The following ADAM19 variants were observed in gnomAD, a reference collection of about 807,000 sequenced individuals.
ADAM19 encodes ADAM metallopeptidase domain 19, also known as disintegrin and metalloproteinase domain-containing protein 19.
ADAM19 carries 65 observed loss-of-function variants against 114.7 expected under a neutral mutation model. The ratio of observed to expected loss-of-function variants is 0.57; its 90% CI spans 0.46 to 0.70. The LOEUF (loss-of-function observed/expected upper bound fraction) is 0.70, where lower values mean the gene tolerates loss of function less well. Ranked by LOEUF, ADAM19 falls within the 30% of genes least tolerant of loss-of-function variation. The pLI is 0.00. For synonymous variants in ADAM19, 466 were observed against 460.5 expected (o/e 1.01, Z -0.15); for missense variants, 1,063 against 1,204.7 (o/e 0.88, Z 1.74).
chr5:157,513,619 A>G, intron 7 of ADAM19, 114 bp from the exon 8 acceptor site: 1 of 936,664 alleles, frequency 1.1e-6, no homozygotes, highest in Non-Finnish European at 1.7e-6. Context: ...TCTATGAGCC[A>G]TCATTTTTAT....
intron 3 of ADAM19, among the ~76,000 whole-genome samples, chr5:157,550,816 C>T (rs1305125349): frequency 6.6e-6 from 1 of 152,080 alleles, no homozygotes; most frequent in Non-Finnish European, 1.5e-5. Context: ...TGCAGAGGAG[C>T]CAAGGGCAAC....
chr5:157,532,255 G>A (rs939317607), intron 4 of ADAM19, among the ~76,000 whole-genome samples: 3 of 152,208 alleles, frequency 2.0e-5, no homozygotes, highest in Non-Finnish European at 4.4e-5. Context: ...GCCAGCAAAC[G>A]GAGTCACAGC....
At chr5:157,502,524 C>T (rs761541670) in intron 12 of ADAM19, among the ~76,000 whole-genome samples, 3 of 152,194 alleles carry the variant, frequency 2.0e-5, no homozygotes, top group African/African-American at 4.8e-5. Flanking sequence ...CTGAGGAAGA[C>T]AGAGTCAACA....
chr5:157,487,067 A>T (rs1754958673), intron 21 of ADAM19, among the ~76,000 whole-genome samples: 1 of 151,776 alleles, frequency 6.6e-6, no homozygotes. Flanking sequence ...TTGACCTTGG[A>T]CTCTTAGCCT....
intron 3 of ADAM19, among the ~76,000 whole-genome samples, chr5:157,545,692 G>A (rs1757029936): frequency 6.6e-6 from 1 of 152,152 alleles, no homozygotes; most frequent in Non-Finnish European, 1.5e-5. Flanking sequence ...AACTTGCCCA[G>A]CATCACACAG....
chr5:157,529,372 T>C (rs1217958101), intron 5 of ADAM19, among the ~76,000 whole-genome samples: 1 of 151,672 alleles, frequency 6.6e-6, no homozygotes, highest in Non-Finnish European at 1.5e-5. Flanking sequence ...TAAATAAGAC[T>C]TATTATGTCA....
chr5:157,506,344 G>C (rs773507349), intron 10 of ADAM19, among the ~76,000 whole-genome samples: 18 of 152,198 alleles, frequency 1.2e-4, no homozygotes, highest in Admixed American at 6.5e-4. Context: ...ACTAAACATG[G>C]AAGTGTGTTT....
chr5:157,526,732 T>C (rs11747382), intron 5 of ADAM19, among the ~76,000 whole-genome samples: 46,907 of 151,724 alleles, frequency 0.31, 7,994 homozygotes, highest in African/African-American at 0.45. Flanking sequence ...ACGGTTCTCC[T>C]GCCTCAGCCT....
chr5:157,481,538 T>A (rs1383236534), intron 22 of ADAM19: 2 of 1,394,182 alleles, frequency 1.4e-6, no homozygotes, highest in Non-Finnish European at 9.5e-7. Flanking sequence ...TCAGGGTCCC[T>A]CCCCAGGTCA....
chr5:157,519,018 A>G lies in ADAM19; in HGVS notation c.601-130T>C. 3.9e-6 allele frequency: 3 copies of G among 771,078 alleles called. No homozygotes were observed. In the South Asian group the frequency reaches 4.7e-5, roughly 12 times the overall value. The allele number at this position is 771,078 out of a possible 1,614,324, so 47.8% of individuals were successfully genotyped here. On this transcript the variant is annotated intron_variant, in intron 6 of 22. Transcript: ENST00000257527. ...TAATGATTTTGTCATTCGGCACTAGAGATGTTCTTGGCTGTGGTGGCCATC... is the reference window on the plus strand; with the variant it reads ...TAATGATTTTGTCATTCGGCACTAGGGATGTTCTTGGCTGTGGTGGCCATC...
At chr5:157,521,735 C>T (rs1348273889) in intron 5 of ADAM19, among the ~76,000 whole-genome samples, 1 of 152,182 alleles carries the variant, frequency 6.6e-6, no homozygotes, top group Non-Finnish European at 1.5e-5. Context: ...GAGCAAGGGT[C>T]GCATCCACTC....
chr5:157,516,282 C>T (rs1756087548), intron 7 of ADAM19, among the ~76,000 whole-genome samples: 1 of 152,174 alleles, frequency 6.6e-6, no homozygotes, highest in African/African-American at 2.4e-5. Flanking sequence ...AGCACGTTCC[C>T]TTATCCACCA....
At chr5:157,561,797 C>A (rs533742945) in intron 3 of ADAM19, among the ~76,000 whole-genome samples, 1 of 152,102 alleles carries the variant, frequency 6.6e-6, no homozygotes, top group Admixed American at 6.6e-5. Flanking sequence ...ACCTGACGGA[C>A]GGTGCACTCA....
chr5:157,499,728 C>A (rs1249540667), intron 12 of ADAM19, 66 bp from the exon 13 acceptor site: 3 of 1,151,628 alleles, frequency 2.6e-6, no homozygotes, highest in African/African-American at 3.1e-5. Flanking sequence ...TTTTCCCCAC[C>A]CTTGCCCACA....
rs558304996 is a variant in ADAM19 at position 157,531,528 on chromosome 5, G to A, written c.331-645C>T. Among the ~76,000 whole-genome samples, 17 of 152,234 alleles carry A rather than the reference G, an allele frequency of 1.1e-4. No individual in the cohort carries two copies. In the South Asian group the frequency reaches 1.5e-3, roughly 13 times the overall value. ...CTAAAAATACAAAAATCAGCCGGAT[G>A]TGGTGGTGCACACCTATAATCCCAG... On this transcript the variant is annotated intron_variant, in intron 4 of 22. Coordinates refer to ENST00000257527, the MANE Select transcript of ADAM19 (RefSeq NM_033274.5).
At chr5:157,505,243 C>G (rs1421669213) in intron 11 of ADAM19, among the ~76,000 whole-genome samples, 1 of 152,006 alleles carries the variant, frequency 6.6e-6, no homozygotes, top group Non-Finnish European at 1.5e-5. Flanking sequence ...GTGGATGGCC[C>G]TCTTCTTCAA....
intron 2 of ADAM19, 44 bp from the exon 3 acceptor site, chr5:157,564,487 C>A (rs753206368): frequency 6.3e-7 from 1 of 1,577,918 alleles, no homozygotes; most frequent in East Asian, 2.2e-5. Flanking sequence ...AAAGCCGGCA[C>A]CAGGCTCCCT....
intron 3 of ADAM19, among the ~76,000 whole-genome samples, chr5:157,562,241 G>A (rs1757529162): frequency 6.6e-6 from 1 of 152,188 alleles, no homozygotes; most frequent in Admixed American, 6.5e-5. Context: ...GTCCCCCAGG[G>A]ACACCTGGTG....
chr5:157,540,498 C>T (rs1271102141), intron 3 of ADAM19, among the ~76,000 whole-genome samples: 1 of 152,216 alleles, frequency 6.6e-6, no homozygotes, highest in Non-Finnish European at 1.5e-5. Context: ...ATTACCCCAT[C>T]ATCACAGGCC....
Sources: allele counts gnomAD v4.1 joint callset (sites outside exome capture counted in the v4.1 genomes callset), GRCh38; gene constraint gnomAD v4.1.1; transcripts MANE v1.5; gene names NCBI Gene and HGNC (gene_info 2026-07-23, HGNC 2026-07-21).